The following DAB2IP variants were observed in gnomAD, a reference collection of about 807,000 sequenced individuals.
The protein encoded by DAB2IP is disabled homolog 2-interacting protein.
In DAB2IP, 28 loss-of-function variants were observed where a neutral mutation model predicts 107.2. That is an observed-to-expected ratio of 0.26 (90% CI 0.19 to 0.36). DAB2IP has a LOEUF of 0.36. Ranked by LOEUF, DAB2IP falls within the 10% of genes least tolerant of loss-of-function variation. DAB2IP has a pLI of 1.00. For missense variants in DAB2IP, 1,400 were observed against 1,644.7 expected, an observed-to-expected ratio of 0.85 and a Z score of 2.57; for synonymous variants, 755 against 706.4, an observed-to-expected ratio of 1.07 and a Z score of -1.09.
chr9:121,757,652 C>T (rs1447828483), intron 4 of DAB2IP, among the ~76,000 whole-genome samples: 2 of 152,040 alleles, frequency 1.3e-5, no homozygotes, highest in Non-Finnish European at 2.9e-5. Flanking sequence ...CTGGGGATGA[C>T]CTGTCCAGTC....
At position 121,772,400 on chromosome 9, in the gene DAB2IP, A is replaced by G. The variant is rs959833947; in HGVS notation, c.2079-207A>G. On this transcript the variant is annotated intron_variant, in intron 11 of 15. Transcript: ENST00000408936. The surrounding 1 kb of genome is among the most constrained non-coding windows in gnomAD (Gnocchi z 4.7). ...AAATGTGCAGTGCTGGCCCCTAAAG[A>G]AGAGGTTCTGTGCAGGAGCAGCCGC... Among the ~76,000 whole-genome samples, 20 of 152,012 alleles carry G rather than the reference A, an allele frequency of 1.3e-4. No individual in the cohort carries two copies. The highest frequency in any genetic ancestry group is 2.1e-4 in the South Asian group (1 of 4,822).
At chr9:121,606,933 C>A (rs1322854050) in intron 1 of DAB2IP, among the ~76,000 whole-genome samples, 4 of 152,050 alleles carry the variant, frequency 2.6e-5, no homozygotes, top group African/African-American at 9.7e-5. Flanking sequence ...TGCCACCATG[C>A]CTGGCTAATT....
At chr9:121,717,498 T>C (rs938560839) in intron 3 of DAB2IP, among the ~76,000 whole-genome samples, 7 of 152,228 alleles carry the variant, frequency 4.6e-5, no homozygotes, top group African/African-American at 1.7e-4. Context: ...CTGGGCAGAT[T>C]CACTCGGGTC....
At chr9:121,613,615 G>A (rs1454525845) in intron 1 of DAB2IP, among the ~76,000 whole-genome samples, 4 of 152,146 alleles carry the variant, frequency 2.6e-5, no homozygotes, top group East Asian at 1.9e-4. Context: ...CAGCAGCCAC[G>A]TGCTTGGAAC....
intron 2 of DAB2IP, among the ~76,000 whole-genome samples, chr9:121,690,634 C>A (rs959726731): frequency 1.3e-5 from 2 of 152,214 alleles, no homozygotes; most frequent in Non-Finnish European, 2.9e-5. Context: ...TTCGCTGATG[C>A]CCGCCTAATC....
In DAB2IP at chr9:121,568,663, C is replaced by A. The variant is rs928261618; in HGVS notation, c.40+1435C>A. 3.9e-5 allele frequency among the ~76,000 whole-genome samples: 6 copies of A among 152,288 alleles called. No individual in the cohort carries two copies. The South Asian group carries it at 1.2e-3, about 32-fold the overall frequency. ...GGGTGTGGGACAGGCCTGCCTGCCT[C>A]CAGAGCTGTTCACTGGAAGCTTGGC... is the stretch of plus-strand genomic sequence containing the variant. On this transcript the variant is annotated intron_variant, in intron 1 of 16. Coordinates refer to the DAB2IP transcript ENST00000259371.
At position 121,766,488 on chromosome 9, in the gene DAB2IP, A is replaced by G. The variant is rs769535572; in HGVS notation, c.1461-6A>G. The G allele has an allele frequency of 3.7e-5, 59 of 1,603,482 alleles. No individual in the cohort carries two copies. Among genetic ancestry groups the G allele is most frequent in the Non-Finnish European group, 4.5e-5 (53 of 1,179,740 alleles). On this transcript the variant is annotated splice_polypyrimidine_tract_variant and splice_region_variant and intron_variant, in intron 8 of 15. Coordinates refer to ENST00000408936, the Ensembl canonical transcript of DAB2IP. ...GCCAAGCCCACCTTTGTCTGTCCCT[A>G]CACAGTGTCTTCCCACGGGAGTTGA...
In DAB2IP at chr9:121,629,817, G is replaced by T. The variant is rs532072425; in HGVS notation, c.41-48861G>T. On this transcript the variant is annotated intron_variant, in intron 1 of 16. Transcript: ENST00000259371. Reference sequence around the variant, plus strand: ...GAGAAGGTCAGGGCCTCGGCAGCCAGCTAGAGGCCAGAATTTGGGTTCTGA... The same window carrying T: ...GAGAAGGTCAGGGCCTCGGCAGCCATCTAGAGGCCAGAATTTGGGTTCTGA... Among the ~76,000 whole-genome samples, 13 of 152,256 alleles carry T rather than the reference G, an allele frequency of 8.5e-5. 1 individual carries two copies. The South Asian group carries it at 2.7e-3, about 32-fold the overall frequency.
chr9:121,628,064 G>A (rs1831731993), intron 1 of DAB2IP, among the ~76,000 whole-genome samples: 1 of 152,248 alleles, frequency 6.6e-6, no homozygotes, highest in Non-Finnish European at 1.5e-5. Flanking sequence ...GAACGACACT[G>A]CTGTTATTCC....
At chr9:121,743,672 C>CG (rs1364789156) in intron 3 of DAB2IP, among the ~76,000 whole-genome samples, 1 of 152,178 alleles carries the variant, frequency 6.6e-6, no homozygotes, top group Non-Finnish European at 1.5e-5. Flanking sequence ...AAGGCTCGCC[C>CG]GGCCACTCGG....
chr9:121,625,293 G>A (rs1180276203), intron 1 of DAB2IP, among the ~76,000 whole-genome samples: 1 of 150,120 alleles, frequency 6.7e-6, no homozygotes, highest in African/African-American at 2.5e-5. Flanking sequence ...AGGCTGGAGT[G>A]CAGTGGTGTG....
chr9:121,567,770 G>A (rs548036181), intron 1 of DAB2IP, among the ~76,000 whole-genome samples: 10 of 152,276 alleles, frequency 6.6e-5, no homozygotes, highest in South Asian at 2.1e-4. Context: ...AAAGTTGCTC[G>A]GGACAGAGCC....
rs1830625591 is a variant in DAB2IP, at chr9:121,599,669, A to G, written c.40+32441A>G. Among the ~76,000 whole-genome samples, 1 of 151,836 alleles carries G rather than the reference A, an allele frequency of 6.6e-6. No homozygotes were observed. The highest frequency in any genetic ancestry group is 2.1e-4 in the South Asian group (1 of 4,798). On this transcript the variant is annotated intron_variant, in intron 1 of 16. Coordinates refer to the DAB2IP transcript ENST00000259371. The surrounding 1 kb of genome is among the most constrained non-coding windows in gnomAD (Gnocchi z 6.9). ...GAAACTTTCCTGCAGCCGCCCGGCG[A>G]CACCGCGACTCCGCCGCTTCGCAAC...
At chr9:121,763,989 T>TAGGCCAGGGGAC in intron 8 of DAB2IP, 110 bp downstream of exon 8, 1 of 1,465,596 alleles carries the variant, frequency 6.8e-7, no homozygotes. Flanking sequence ...TTGTACTGAC[T>TAGGCCAGGGGAC]TGCCAGTCCC....
At chr9:121,582,540 G>A (rs1007093439) in intron 1 of DAB2IP, among the ~76,000 whole-genome samples, 2 of 151,888 alleles carry the variant, frequency 1.3e-5, no homozygotes, top group Non-Finnish European at 2.9e-5. Context: ...ACCTCCACTG[G>A]CGCCCCCGTG....
At chr9:121,628,332 C>T (rs1831746035) in intron 1 of DAB2IP, among the ~76,000 whole-genome samples, 1 of 152,188 alleles carries the variant, frequency 6.6e-6, no homozygotes, top group African/African-American at 2.4e-5. Context: ...GGCAGATGCC[C>T]CCCTGCCCAG....
exon 1 of DAB2IP, chr9:121,567,184 A>T: frequency 6.2e-7 from 1 of 1,613,998 alleles, no homozygotes; most frequent in Non-Finnish European, 8.5e-7. Flanking sequence ...GGGGGCCCAC[A>T]CGCCATGGAG....
At chr9:121,732,876 A>G (rs1229578430) in intron 3 of DAB2IP, among the ~76,000 whole-genome samples, 1 of 152,194 alleles carries the variant, frequency 6.6e-6, no homozygotes, top group African/African-American at 2.4e-5. Context: ...AATGTCTGTA[A>G]AATACCTAGC....
At chr9:121,682,158 C>T (rs896002736) in intron 2 of DAB2IP, among the ~76,000 whole-genome samples, 3 of 152,180 alleles carry the variant, frequency 2.0e-5, no homozygotes, top group South Asian at 2.1e-4. Flanking sequence ...TCCCCTAGCC[C>T]GTAGCACACA....
Sources: gnomAD v4.1 joint callset for allele counts (sites outside exome capture counted in the v4.1 genomes callset) on GRCh38, gnomAD v4.1.1 for gene constraint, Gnocchi (gnomAD v3.1) non-coding constraint, MANE v1.5 for transcripts, NCBI Gene and HGNC (gene_info 2026-07-23, HGNC 2026-07-21) for gene names.